TJP1: variants seen among roughly 807,000 people sequenced by gnomAD.
TJP1 encodes tight junction protein 1.
In TJP1, 43 loss-of-function variants were observed where a neutral mutation model predicts 194.2. That is an observed-to-expected ratio of 0.22 (90% CI 0.17 to 0.29). TJP1 has a LOEUF of 0.29. TJP1 is among the 10% of genes least tolerant of loss of function. The pLI, the probability that TJP1 is intolerant of heterozygous loss-of-function variation, is 1.00. For synonymous variants in TJP1, 801 were observed against 779.0 expected, an observed-to-expected ratio of 1.03 and a Z score of -0.47; for missense variants, 1,971 against 2,185.7, an observed-to-expected ratio of 0.90 and a Z score of 1.96.
At chr15:29,963,425 A>C (rs1397868097) in intron 1 of TJP1, among the ~76,000 whole-genome samples, 2 of 152,204 alleles carry the variant, frequency 1.3e-5, no homozygotes, top group African/African-American at 4.8e-5. Context: ...GGGTGCTATA[A>C]GTTAAATAAT....
At chr15:29,768,577 G>A (rs541069803) in intron 4 of TJP1, among the ~76,000 whole-genome samples, 8 of 152,166 alleles carry the variant, frequency 5.3e-5, no homozygotes, top group Admixed American at 2.6e-4. Context: ...CTGAGATGAC[G>A]TGCATTATAT....
intron 2 of TJP1, among the ~76,000 whole-genome samples, chr15:29,884,964 C>T (rs567599005): frequency 4.6e-4 from 70 of 152,282 alleles, no homozygotes; most frequent in African/African-American, 1.6e-3. Context: ...TATTCTCGTT[C>T]CCTAGCAAGT....
chr15:29,877,634 C>CT (rs1567158566), intron 2 of TJP1, among the ~76,000 whole-genome samples: 1 of 146,696 alleles, frequency 6.8e-6, no homozygotes, highest in Non-Finnish European at 1.5e-5. Context: ...CTTCTTCTTT[C>CT]TTCTTCTCTT....
intron 2 of TJP1, among the ~76,000 whole-genome samples, chr15:29,783,292 C>A (rs1253582911): frequency 6.6e-6 from 1 of 151,902 alleles, no homozygotes; most frequent in Non-Finnish European, 1.5e-5. Flanking sequence ...CAAACAAAAA[C>A]ACAAAGATAT....
rs755122730 is a variant in TJP1, at chr15:29,710,904, C to A, written c.4299G>T (p.Ser1433=). Residue 1433 remains serine (S), a synonymous_variant, in exon 24 of 28, where the codon TCG becomes TCT. Transcript: ENST00000614355. ...QATPPPPPLP[S]QYAQPSQPVT... is the part of the protein sequence containing the mutation. Reference sequence around the variant, plus strand: ...CAGGCTGAGATGGCTGGGCATACTGCGAGGGCAATGGAGGAGGAGGGGGAG... The same window carrying A: ...CAGGCTGAGATGGCTGGGCATACTGAGAGGGCAATGGAGGAGGAGGGGGAG... 4.3e-6 allele frequency: 7 copies of A among 1,613,940 alleles called. No individual in the cohort carries two copies. In the East Asian group the frequency reaches 1.3e-4, roughly 31 times the overall value.
chr15:29,837,320 A>C (rs1354604649), intron 2 of TJP1, among the ~76,000 whole-genome samples: 4 of 152,166 alleles, frequency 2.6e-5, no homozygotes, highest in African/African-American at 7.2e-5. Context: ...GCACTTTGGT[A>C]GGCTGATGCG....
rs201765018 is a variant in TJP1, at chr15:29,700,939, T to A, written c.*656A>T. On this transcript the variant is annotated 3_prime_UTR_variant, in exon 28 of 28. Transcript: ENST00000614355. ...TAAGAACATGAGGGTAAGGCATTTC[T>A]GCTGGTTAGTATGTCTGTGGTAATA... 1 of 153,214 alleles carries A rather than the reference T, an allele frequency of 6.5e-6. No individual in the cohort carries two copies. 9.5% of individuals were successfully genotyped at this position (153,214 alleles called of 1,614,324 possible). A position where few individuals can be genotyped will look rare whatever the true frequency, so the allele number is the denominator to read the frequency against.
At chr15:29,821,250 G>A (rs2050319785) in intron 1 of TJP1, among the ~76,000 whole-genome samples, 2 of 152,124 alleles carry the variant, frequency 1.3e-5, no homozygotes, top group Non-Finnish European at 2.9e-5. Flanking sequence ...AGAGCACATA[G>A]GAAAAGTAAC....
Position 29,766,343 on chromosome 15 carries a change from G to A in TJP1, c.512C>T (p.Ser171Leu), listed in dbSNP as rs748284458. ...ASRERSLSPR[S>L]DRRSVASSQP... ...GCTGGAAGCCACTGACCGCCTGTCT[G>A]ACCGCGGGGACAAGCTCCTCTCTCT... The change falls in exon 5 of 28, where the codon TCA becomes TTA. Residue 171 changes from serine (S) to leucine (L), a missense_variant. Around this residue, in one of 5 missense-constraint regions of TJP1, gnomAD observed 245 missense variants for 336.6 expected, o/e 0.73. Coordinates refer to ENST00000614355, the MANE Select transcript of TJP1 (RefSeq NM_001330239.4). 6.2e-7 allele frequency: 1 copy of A among 1,614,210 alleles called. No individual in the cohort carries two copies. The highest frequency in any genetic ancestry group is 2.2e-5 in the East Asian group (1 of 44,880).
intron 3 of TJP1, among the ~76,000 whole-genome samples, chr15:29,772,435 C>T (rs905267706): frequency 1.5e-4 from 23 of 152,214 alleles, no homozygotes; most frequent in African/African-American, 5.3e-4. Context: ...ATCACATACA[C>T]GAAATGATTC....
chr15:29,901,811 ACT>A (rs1248205856), intron 2 of TJP1, among the ~76,000 whole-genome samples: 1 of 141,108 alleles, frequency 7.1e-6, no homozygotes, highest in Non-Finnish European at 1.5e-5. Context: ...ACAGAGCGAG[ACT>A]CTATCTCAAA....
chr15:29,922,429 G>C (rs2054395718), intron 2 of TJP1, among the ~76,000 whole-genome samples: 1 of 152,180 alleles, frequency 6.6e-6, no homozygotes, highest in South Asian at 2.1e-4. Flanking sequence ...TTGATATTTA[G>C]TAGTTTTCAT....
upstream of TJP1, chr15:29,822,531 C>A (rs2050481958): frequency 1.0e-6 from 1 of 970,322 alleles, no homozygotes; most frequent in Admixed American, 6.2e-5. Flanking sequence ...CTGGACGAGG[C>A]GAGGCGAGGC....
intron 1 of TJP1, among the ~76,000 whole-genome samples, chr15:29,817,837 G>C (rs891551483): frequency 6.6e-6 from 1 of 152,074 alleles, no homozygotes; most frequent in Non-Finnish European, 1.5e-5. Context: ...CCTGGGGCCT[G>C]TTACCCGGGT....
intron 2 of TJP1, among the ~76,000 whole-genome samples, chr15:29,900,097 G>C (rs985134721): frequency 7.9e-5 from 12 of 152,106 alleles, no homozygotes; most frequent in Admixed American, 7.9e-4. Flanking sequence ...CTTACAGGGG[G>C]TTCAGGCAAA....
At chr15:29,757,747 T>G (rs2151493725) in intron 8 of TJP1, among the ~76,000 whole-genome samples, 1 of 152,326 alleles carries the variant, frequency 6.6e-6, no homozygotes, top group South Asian at 2.1e-4. Context: ...CACTATACTT[T>G]CTAACCATTA....
intron 19 of TJP1, 109 bp downstream of exon 19, chr15:29,720,249 A>T: frequency 1.7e-6 from 2 of 1,173,492 alleles, no homozygotes; most frequent in Non-Finnish European, 2.4e-6. Flanking sequence ...ATTGAAGATT[A>T]ATTCTTAATC....
Position 29,933,572 on chromosome 15 carries a change from C to T in TJP1, c.306+22660G>A, listed in dbSNP as rs183137308. Among the ~76,000 whole-genome samples, 153 of 152,118 alleles carry T rather than the reference C, an allele frequency of 1.0e-3. No individual in the cohort carries two copies. In the Middle Eastern group the frequency reaches 0.024, roughly 24 times the overall value. ...TTGAGAGAGACGGCTGTGGAGTAAA[C>T]GTCTGATTACAGGAATGCAAAGAAA... On this transcript the variant is annotated intron_variant, in intron 2 of 28. Transcript: ENST00000356107.
At position 29,726,452 on chromosome 15, in the gene TJP1, T is replaced by A. The variant is rs771298262; in HGVS notation, c.2339A>T (p.Asp780Val). ...TTCTTTCAGCGCACCATACCAACCA[T>A]CATTCATTGAATTTAAGTTAATTGT... ...TTTINLNSMNDGWYGALKEAI... is the reference protein window; with the variant it reads ...TTTINLNSMNVGWYGALKEAI... Residue 780 changes from aspartate to valine, a missense_variant, in exon 18 of 28, where the codon GAT becomes GTT. Around this residue, in one of 5 missense-constraint regions of TJP1, gnomAD observed 402 missense variants for 484.2 expected, o/e 0.83. Coordinates refer to ENST00000614355, the MANE Select transcript of TJP1 (RefSeq NM_001330239.4). The A allele has an allele frequency of 3.1e-5, 50 of 1,614,014 alleles. No homozygotes were observed. Among genetic ancestry groups the A allele is most frequent in the Non-Finnish European group, 4.2e-5 (49 of 1,180,010 alleles).
Sources: gnomAD v4.1 joint callset for allele counts (sites outside exome capture counted in the v4.1 genomes callset) on GRCh38, gnomAD v4.1.1 for gene constraint, gnomAD v4.1.1 regional missense constraint, MANE v1.5 for transcripts, NCBI Gene and HGNC (gene_info 2026-07-23, HGNC 2026-07-21) for gene names.